Variants in LRRC27 observed in about 807,000 individuals in gnomAD.
LRRC27 encodes leucine-rich repeat-containing protein 27.
In LRRC27, 57 loss-of-function variants were observed where a neutral mutation model predicts 55.0. The observed-to-expected ratio is 1.04, with a 90% CI of 0.84 to 1.29. LRRC27 has a LOEUF of 1.29. LRRC27 is among the 50% of genes most tolerant of loss of function. The pLI, the probability that LRRC27 is intolerant of heterozygous loss-of-function variation, is 0.00. For missense variants in LRRC27, 721 were observed against 651.5 expected, an observed-to-expected ratio of 1.11 and a Z score of -1.16; for synonymous variants, 278 against 251.9, an observed-to-expected ratio of 1.10 and a Z score of -0.98.
upstream of LRRC27, chr10:132,331,923 C>A (rs1403742244): frequency 1.5e-5 from 10 of 680,430 alleles, 2 homozygotes; most frequent in South Asian, 4.3e-5. Context: ...ACAACCCCCC[C>A]ACCGCAAGCG....
upstream of LRRC27, chr10:132,331,752 C>T (rs1055597427): frequency 1.1e-5 from 17 of 1,611,134 alleles, no homozygotes; most frequent in Admixed American, 1.7e-5. Context: ...TCTCTTCCTT[C>T]CCCTCTGTGC....
At chr10:132,364,020 A>G (rs1358711790) in intron 9 of LRRC27, among the ~76,000 whole-genome samples, 1 of 151,990 alleles carries the variant, frequency 6.6e-6, no homozygotes, top group Non-Finnish European at 1.5e-5. Context: ...TTTACCTGCC[A>G]TATTTGGCCT....
chr10:132,356,454 C>T (rs992675905), intron 8 of LRRC27, among the ~76,000 whole-genome samples: 5 of 113,388 alleles, frequency 4.4e-5, no homozygotes, highest in East Asian at 2.5e-4. Flanking sequence ...TCCTGAGTAC[C>T]GTCCCCCAAG....
chr10:132,331,329 G>GT, upstream of LRRC27: 1 of 1,109,600 alleles, frequency 9.0e-7, no homozygotes. Flanking sequence ...TGGAATGAAG[G>GT]TGCACGGGAC....
chr10:132,354,106 C>T (rs1406382812), intron 7 of LRRC27, among the ~76,000 whole-genome samples: 1 of 152,244 alleles, frequency 6.6e-6, no homozygotes, highest in Non-Finnish European at 1.5e-5. Flanking sequence ...GGCACAGCCC[C>T]TGCCCCAGGC....
chr10:132,341,554 A>G (rs2067416542), intron 3 of LRRC27, among the ~76,000 whole-genome samples: 1 of 152,082 alleles, frequency 6.6e-6, no homozygotes, highest in Non-Finnish European at 1.5e-5. Flanking sequence ...TTTGGGCTGC[A>G]TTTTATAAGG....
intron 3 of LRRC27, 109 bp from the exon 4 acceptor site, chr10:132,342,104 T>C (rs191419584): frequency 1.9e-4 from 127 of 667,596 alleles, no homozygotes; most frequent in Non-Finnish European, 3.0e-4. Flanking sequence ...GTATCTGTAT[T>C]GAAGTTGCCC....
chr10:132,333,718 G>C lies in LRRC27; in HGVS notation c.194G>C (p.Arg65Thr). Residue 65 changes from arginine to threonine, a missense_variant, in exon 2 of 11, where the codon AGA becomes ACA. Physicochemically the swap from Arg to Thr is moderately conservative, Grantham distance 71. Transcript: ENST00000368614. ...CTGTGCCGTTTGGAGGAGGTCTTTA[G>C]AATCCCCAGCCTTCAAGTAAGTGGG... ...SGLCRLEEVF[R>T]IPSLQQLHLQ... The C allele has an allele frequency of 6.2e-7, 1 of 1,613,192 alleles. No homozygotes were observed. Among genetic ancestry groups the C allele is most frequent in the Non-Finnish European group, 8.5e-7 (1 of 1,180,008 alleles).
chr10:132,337,179 G>A, intron 2 of LRRC27: 1 of 1,175,612 alleles, frequency 8.5e-7, no homozygotes, highest in South Asian at 2.1e-5. Flanking sequence ...CAGTAAGCAG[G>A]CGATTTCGGG....
At chr10:132,367,056 GGCT>G (rs1165870427) in intron 10 of LRRC27, 2 of 1,049,148 alleles carry the variant, frequency 1.9e-6, no homozygotes, top group Non-Finnish European at 2.4e-6. Context: ...TGCCTCTTAG[GGCT>G]GCAAAACATC....
At chr10:132,331,840 A>T (rs762989156), upstream of LRRC27, 2 of 1,490,402 alleles carry the variant, frequency 1.3e-6, no homozygotes, top group South Asian at 1.2e-5. Flanking sequence ...GCGGGCGCGG[A>T]AAAACGGATG....
chr10:132,361,143 C>T (rs2068595320), intron 8 of LRRC27, among the ~76,000 whole-genome samples: 1 of 152,162 alleles, frequency 6.6e-6, no homozygotes. Context: ...GCAAACCTGG[C>T]GTGGGGGGCA....
Position 132,374,216 on chromosome 10 carries a change from G to T in LRRC27, c.1417-850G>T, listed in dbSNP as rs1394508874. Among the ~76,000 whole-genome samples, 1 of 151,288 alleles carries T rather than the reference G, an allele frequency of 6.6e-6. No homozygotes were observed. Among genetic ancestry groups the T allele is most frequent in the Non-Finnish European group, 1.5e-5 (1 of 67,822 alleles). Reference sequence around the variant, plus strand: ...TGGTGAGGGGGTGCAGTGGCTCCAGGGACCTGCTGTGATTATGTCTGTATG... The same window carrying T: ...TGGTGAGGGGGTGCAGTGGCTCCAGTGACCTGCTGTGATTATGTCTGTATG... On this transcript the variant is annotated intron_variant, in intron 10 of 10. Coordinates refer to ENST00000368614, the MANE Select transcript of LRRC27 (RefSeq NM_030626.3). The surrounding 1 kb of genome is among the most constrained non-coding windows in gnomAD (Gnocchi z 4.4).
chr10:132,361,318 A>C, intron 8 of LRRC27, 139 bp from the exon 9 acceptor site: 1 of 741,350 alleles, frequency 1.3e-6, no homozygotes, highest in Non-Finnish European at 2.4e-6. Flanking sequence ...ACTGCGTTGC[A>C]CAGGGACCGT....
chr10:132,358,580 G>A (rs1244177889), intron 8 of LRRC27, among the ~76,000 whole-genome samples: 2 of 128,870 alleles, frequency 1.6e-5, no homozygotes, highest in African/African-American at 2.8e-5. Context: ...GGGAGGAGCC[G>A]AGGTGGTGGA....
intron 1 of LRRC27, among the ~76,000 whole-genome samples, chr10:132,333,232 T>C (rs577429301): frequency 6.6e-6 from 1 of 152,346 alleles, no homozygotes; most frequent in East Asian, 1.9e-4. Context: ...TTGTGCGCCT[T>C]TGCGTTTTCC....
At chr10:132,336,690 A>G (rs1308019437) in intron 2 of LRRC27, 1 of 700,694 alleles carries the variant, frequency 1.4e-6, no homozygotes, top group Non-Finnish European at 2.6e-6. Flanking sequence ...AGGTTCAGGA[A>G]CTTGCTCAAG....
intron 2 of LRRC27, 34 bp downstream of exon 2, chr10:132,333,768 C>G (rs747811966): frequency 6.5e-7 from 1 of 1,549,328 alleles, no homozygotes; most frequent in Non-Finnish European, 8.9e-7. Flanking sequence ...TGTGTGCCCA[C>G]AGGTCCCCTA....
At chr10:132,334,875 T>G (rs139051086) in intron 2 of LRRC27, among the ~76,000 whole-genome samples, 2,183 of 152,360 alleles carry the variant, frequency 0.014, 42 homozygotes, top group South Asian at 0.042. Context: ...ACTTGATAAC[T>G]GTTTATACCT....
Sources: allele counts gnomAD v4.1 joint callset (sites outside exome capture counted in the v4.1 genomes callset), GRCh38; gene constraint gnomAD v4.1.1; non-coding constraint Gnocchi (gnomAD v3.1); transcripts MANE v1.5; gene names NCBI Gene and HGNC (gene_info 2026-07-23, HGNC 2026-07-21).